Variants in MSN observed in about 807,000 individuals in gnomAD.
The protein encoded by MSN is epididymis luminal protein 70.
Under a neutral mutation model 48.0 loss-of-function variants are expected in MSN, and 2 were observed. The ratio of observed to expected loss-of-function variants is 0.04; its 90% confidence interval spans 0.02 to 0.13. The LOEUF (loss-of-function observed/expected upper bound fraction) is 0.13, where lower values mean the gene tolerates loss of function less well. Ranked by LOEUF, MSN falls within the 10% of genes least tolerant of loss-of-function variation. MSN has a pLI of 1.00. For missense variants in MSN, 267 were observed against 470.1 expected, an observed-to-expected ratio of 0.57 and a Z score of 3.99; for synonymous variants, 146 against 166.9, an observed-to-expected ratio of 0.87 and a Z score of 0.97.
intron 1 of MSN, among the ~76,000 whole-genome samples, chrX:65,677,615 G>A (rs759798023): frequency 9.1e-6 from 1 of 110,191 alleles, no homozygotes; most frequent in East Asian, 2.8e-4. Flanking sequence ...AAAAATAGCC[G>A]GGCGTGTTGG....
In MSN at chrX:65,730,990, A is replaced by G. The variant is rs187570891; in HGVS notation, c.468-117A>G. The G allele has an allele frequency of 6.5e-5, 34 of 520,672 alleles. No individual in the cohort carries two copies. The East Asian group carries it at 1.0e-3, about 15-fold the overall frequency. 42.9% of individuals were successfully genotyped at this position (520,672 alleles called of 1,213,427 possible). ...TTCGGTCTGCTTCCAGTGTGACCTC[A>G]ATTGGCTGACTCTACATCCTCTTTG... On this transcript the variant is annotated intron_variant, in intron 4 of 12. Transcript: ENST00000360270.
intron 1 of MSN, among the ~76,000 whole-genome samples, chrX:65,654,368 TC>T (rs1486228220): frequency 9.3e-6 from 1 of 107,954 alleles, no homozygotes; most frequent in East Asian, 2.9e-4. Flanking sequence ...TGATCGGCCC[TC>T]CTCGGCCTCC....
chrX:65,630,238 A>G (rs1485177940), intron 1 of MSN, among the ~76,000 whole-genome samples: 12 of 110,132 alleles, frequency 1.1e-4, no homozygotes, highest in Non-Finnish European at 1.9e-4. Context: ...TTGTGTAATC[A>G]TCACCACTAT....
intron 1 of MSN, among the ~76,000 whole-genome samples, chrX:65,644,757 C>T (rs763470181): frequency 4.5e-5 from 5 of 111,287 alleles, no homozygotes; most frequent in Non-Finnish European, 9.4e-5. Context: ...GAAACATGTC[C>T]AATGACCCAG....
At chrX:65,670,896 TTATATATATATATATA>T (rs57076717) in intron 1 of MSN, among the ~76,000 whole-genome samples, 152 of 14,043 alleles carry the variant, frequency 0.011, 1 homozygote, top group Admixed American at 0.016. Flanking sequence ...ATGATGACAG[TTATATATATATATATA>T]TATATATATA....
intron 1 of MSN, among the ~76,000 whole-genome samples, chrX:65,693,653 A>G (rs1281224438): frequency 8.9e-6 from 1 of 112,134 alleles, no homozygotes; most frequent in Non-Finnish European, 1.9e-5. Flanking sequence ...TAGTTATAAG[A>G]TAAATGACAG....
At chrX:65,657,242 A>G (rs1205249835) in intron 1 of MSN, among the ~76,000 whole-genome samples, 1 of 111,783 alleles carries the variant, frequency 8.9e-6, no homozygotes, top group Non-Finnish European at 1.9e-5. Context: ...CAAAACCACC[A>G]ACAGATACAG....
chrX:65,622,289 G>A (rs185128387), intron 1 of MSN, among the ~76,000 whole-genome samples: 2 of 107,098 alleles, frequency 1.9e-5, no homozygotes, highest in East Asian at 2.9e-4. Flanking sequence ...GGGTAGATGT[G>A]GGGTTTCACC....
chrX:65,698,175 G>C (rs1406111693), intron 1 of MSN, among the ~76,000 whole-genome samples: 1 of 111,732 alleles, frequency 8.9e-6, no homozygotes, highest in Non-Finnish European at 1.9e-5. Flanking sequence ...TTGGCTTTGA[G>C]AGGCATGAAG....
chrX:65,617,206 A>G (rs2070382567), intron 1 of MSN, among the ~76,000 whole-genome samples: 1 of 107,847 alleles, frequency 9.3e-6, no homozygotes, highest in South Asian at 3.7e-4. Context: ...TGGTATCAGA[A>G]TGATGCTGGC....
At chrX:65,705,905 T>C (rs141375905) in intron 1 of MSN, among the ~76,000 whole-genome samples, 6 of 111,603 alleles carry the variant, frequency 5.4e-5, no homozygotes, top group Non-Finnish European at 9.4e-5. Context: ...AGGTTGGGTG[T>C]TGTTCTCCTT....
At chrX:65,720,721 C>T (rs2071508559) in intron 2 of MSN, among the ~76,000 whole-genome samples, 1 of 111,937 alleles carries the variant, frequency 8.9e-6, no homozygotes, top group South Asian at 3.7e-4. Context: ...TATGGCCATC[C>T]TGGAACGCAG....
chrX:65,710,180 G>A (rs1391294650), intron 1 of MSN, among the ~76,000 whole-genome samples: 1 of 112,088 alleles, frequency 8.9e-6, no homozygotes, highest in African/African-American at 3.2e-5. Context: ...CTTATTCTTT[G>A]GAAATCAGTG....
chrX:65,696,648 T>C (rs995874884), intron 1 of MSN, among the ~76,000 whole-genome samples: 9 of 111,026 alleles, frequency 8.1e-5, no homozygotes, highest in African/African-American at 2.3e-4. Flanking sequence ...CACCTCAGCA[T>C]TGAGGGGTGT....
intron 1 of MSN, among the ~76,000 whole-genome samples, chrX:65,648,787 T>A (rs1341223824): frequency 9.1e-6 from 1 of 109,672 alleles, no homozygotes; most frequent in Non-Finnish European, 1.9e-5. Flanking sequence ...CGCTTGAACC[T>A]GGGAGGCGGA....
At chrX:65,630,793 T>C (rs1056065687) in intron 1 of MSN, among the ~76,000 whole-genome samples, 2 of 111,837 alleles carry the variant, frequency 1.8e-5, no homozygotes, top group Non-Finnish European at 1.9e-5. Flanking sequence ...TTTCTTTCAC[T>C]TGGTACAATT....
At chrX:65,672,357 T>G (rs1602776729) in intron 1 of MSN, among the ~76,000 whole-genome samples, 2 of 112,484 alleles carry the variant, frequency 1.8e-5, no homozygotes, top group South Asian at 7.3e-4. Context: ...TGCCACCTGC[T>G]CTATTACTTT....
At chrX:65,723,548 G>A (rs967753073) in intron 2 of MSN, among the ~76,000 whole-genome samples, 1 of 111,900 alleles carries the variant, frequency 8.9e-6, no homozygotes, top group Non-Finnish European at 1.9e-5. Context: ...ATTTCTCAGA[G>A]TGGAATGATA....
At chrX:65,618,492 G>C (rs774598346) in intron 1 of MSN, among the ~76,000 whole-genome samples, 3 of 111,018 alleles carry the variant, frequency 2.7e-5, no homozygotes, top group Non-Finnish European at 3.8e-5. Flanking sequence ...GATCTTTGTT[G>C]GTTTAAAGTC....
Sources: gnomAD v4.1 joint callset for allele counts (sites outside exome capture counted in the v4.1 genomes callset) on GRCh38, gnomAD v4.1.1 for gene constraint, MANE v1.5 for transcripts, NCBI Gene and HGNC (gene_info 2026-07-23, HGNC 2026-07-21) for gene names.